Variants in PPP1R1C observed in about 807,000 individuals in gnomAD.
PPP1R1C encodes the protein protein phosphatase 1 regulatory inhibitor subunit 1C, also known as protein phosphatase 1 regulatory subunit 1C.
In PPP1R1C, 15 loss-of-function variants were observed where a neutral mutation model predicts 17.4. The ratio of observed to expected loss-of-function variants is 0.86; its 90% CI spans 0.58 to 1.33. The LOEUF (loss-of-function observed/expected upper bound fraction) is 1.33, where lower values mean the gene tolerates loss of function less well. Among genes scored for constraint, PPP1R1C ranks in the 40% most tolerant of loss-of-function variants. The pLI is 0.00. For synonymous variants in PPP1R1C, 35 were observed against 43.1 expected, an observed-to-expected ratio of 0.81 and a Z score of 0.73; for missense variants, 143 against 130.0, an observed-to-expected ratio of 1.10 and a Z score of -0.48.
intron 2 of PPP1R1C, among the ~76,000 whole-genome samples, chr2:182,035,250 G>T (rs768433876): frequency 1.4e-4 from 21 of 152,220 alleles, no homozygotes; most frequent in African/African-American, 5.1e-4. Context: ...TGGCAAAAAT[G>T]GTTGTTATTA....
intron 4 of PPP1R1C, among the ~76,000 whole-genome samples, chr2:182,085,789 C>G (rs1434346064): frequency 2.6e-5 from 4 of 152,058 alleles, no homozygotes; most frequent in African/African-American, 9.7e-5. Flanking sequence ...ACGGGGGAAA[C>G]TTGTAAAATG....
chr2:182,043,685 C>G (rs574243910), intron 2 of PPP1R1C, among the ~76,000 whole-genome samples: 1 of 150,844 alleles, frequency 6.6e-6, no homozygotes, highest in Non-Finnish European at 1.5e-5. Context: ...GGTTTCCCCT[C>G]GAATCCTTGG....
upstream of PPP1R1C, among the ~76,000 whole-genome samples, chr2:181,981,886 C>T (rs1685199356): frequency 1.3e-5 from 2 of 152,166 alleles, no homozygotes; most frequent in African/African-American, 4.8e-5. Flanking sequence ...GGACTCATAT[C>T]TAGATGATAT....
chr2:182,061,420 A>C, intron 2 of PPP1R1C, 22 bp from the exon 3 acceptor site: 1 of 1,427,534 alleles, frequency 7.0e-7, no homozygotes, highest in Non-Finnish European at 9.4e-7. Flanking sequence ...TGCCTAATAC[A>C]TTCTACCTAC....
Position 181,985,886 on chromosome 2 carries a change from A to G in PPP1R1C, c.-225A>G. 1.7e-6 allele frequency: 1 copy of G among 592,308 alleles called. No homozygotes were observed. The highest frequency in any genetic ancestry group is 3.0e-6 in the Non-Finnish European group (1 of 332,334). 36.7% of individuals were successfully genotyped at this position (592,308 alleles called of 1,614,324 possible). On this transcript the variant is annotated 5_prime_UTR_variant, in exon 1 of 5. Coordinates refer to ENST00000682840, the MANE Select transcript of PPP1R1C (RefSeq NM_001080545.3). The surrounding 1 kb of genome is among the most constrained non-coding windows in gnomAD (Gnocchi z 4.1). Reference sequence around the variant, plus strand: ...TTTCTGTATTGTGCTGAGAGGATCCAAGGGATTGGTGGGGGAACAGGCAAG... The same window carrying G: ...TTTCTGTATTGTGCTGAGAGGATCCGAGGGATTGGTGGGGGAACAGGCAAG...
chr2:182,009,091 T>C (rs957038423), intron 2 of PPP1R1C, among the ~76,000 whole-genome samples: 1 of 152,196 alleles, frequency 6.6e-6, no homozygotes, highest in East Asian at 1.9e-4. Flanking sequence ...ACAATAAACA[T>C]GAGAGTACAG....
intron 2 of PPP1R1C, among the ~76,000 whole-genome samples, chr2:182,058,549 C>G (rs953166700): frequency 3.3e-5 from 5 of 152,084 alleles, no homozygotes; most frequent in Non-Finnish European, 7.4e-5. Context: ...GGAAATTGTG[C>G]TCTCATTTTT....
intron 4 of PPP1R1C, among the ~76,000 whole-genome samples, chr2:182,079,911 G>A (rs902911007): frequency 1.3e-5 from 2 of 152,104 alleles, no homozygotes; most frequent in African/African-American, 4.8e-5. Flanking sequence ...TCCTCTTCTT[G>A]TAAGTACATC....
chr2:182,070,905 C>T (rs1688120403), intron 4 of PPP1R1C, among the ~76,000 whole-genome samples: 1 of 152,050 alleles, frequency 6.6e-6, no homozygotes, highest in Admixed American at 6.6e-5. Context: ...GGAGGGGGTG[C>T]TACACACTGT....
chr2:182,046,411 C>T (rs2125184052), intron 2 of PPP1R1C, among the ~76,000 whole-genome samples: 1 of 152,066 alleles, frequency 6.6e-6, no homozygotes, highest in South Asian at 2.1e-4. Flanking sequence ...GAATGATAAT[C>T]CCCAAATTAG....
chr2:182,109,711 GT>G (rs1056953622), intron 4 of PPP1R1C, among the ~76,000 whole-genome samples: 56 of 152,182 alleles, frequency 3.7e-4, no homozygotes, highest in African/African-American at 1.3e-3. Flanking sequence ...CTCTTTGTCT[GT>G]TTTTTCACCA....
At chr2:182,113,051 A>G (rs1460447053) in intron 4 of PPP1R1C, among the ~76,000 whole-genome samples, 1 of 152,178 alleles carries the variant, frequency 6.6e-6, no homozygotes, top group Non-Finnish European at 1.5e-5. Context: ...ATAGCATCCT[A>G]GGATCTGCAA....
At chr2:181,979,966 A>C (rs752665761) in intron 2 of PPP1R1C, among the ~76,000 whole-genome samples, 2 of 152,206 alleles carry the variant, frequency 1.3e-5, no homozygotes, top group Non-Finnish European at 2.9e-5. Context: ...TCACAGTCAG[A>C]CATCACCCTC....
In PPP1R1C at chr2:182,031,489, A is replaced by G. The variant is rs994637215; in HGVS notation, c.143-29953A>G. 6.6e-5 allele frequency among the ~76,000 whole-genome samples: 10 copies of G among 152,366 alleles called. No homozygotes were observed. In the South Asian group the frequency reaches 8.3e-4, roughly 13 times the overall value. On this transcript the variant is annotated intron_variant, in intron 2 of 4. Coordinates refer to ENST00000682840, the MANE Select transcript of PPP1R1C (RefSeq NM_001080545.3). Reference sequence around the variant, plus strand: ...TTTAAATCATTTACTTAACTTAGTTATAGCCTGGAGAATTTGTATTTATGA... The same window carrying G: ...TTTAAATCATTTACTTAACTTAGTTGTAGCCTGGAGAATTTGTATTTATGA...
chr2:182,126,307 G>A lies in PPP1R1C; in HGVS notation c.*7-2667G>A, dbSNP rs544677024. Among the ~76,000 whole-genome samples, 131 of 152,046 alleles carry A rather than the reference G, an allele frequency of 8.6e-4. 2 individuals carry two copies. The South Asian group carries it at 0.013, about 15-fold the overall frequency. ...AATTTTTAATATTTGCTTTCTCTGA[G>A]TAAGCAGAATGTAGAAGAAATGCCT... On this transcript the variant is annotated intron_variant, in intron 5 of 5. Transcript: ENST00000280295.
chr2:182,104,295 A>G (rs888293238), intron 4 of PPP1R1C, among the ~76,000 whole-genome samples: 2 of 152,222 alleles, frequency 1.3e-5, no homozygotes, highest in Non-Finnish European at 2.9e-5. Context: ...TCTTCCATTG[A>G]GTATGATGTT....
At chr2:182,027,158 A>C (rs1467393134) in intron 2 of PPP1R1C, among the ~76,000 whole-genome samples, 1 of 139,840 alleles carries the variant, frequency 7.2e-6, no homozygotes, top group African/African-American at 2.8e-5. Flanking sequence ...GTCTGCAAAC[A>C]GGGACAATTT....
At chr2:182,021,960 C>T (rs543868590) in intron 2 of PPP1R1C, among the ~76,000 whole-genome samples, 122 of 152,266 alleles carry the variant, frequency 8.0e-4, no homozygotes, top group African/African-American at 1.8e-3. Context: ...CCAGTAGAAA[C>T]GCTCTAAGCC....
chr2:182,129,801 C>T (rs1227015947), exon 6 of PPP1R1C: 1 of 152,042 alleles, frequency 6.6e-6, no homozygotes, highest in South Asian at 2.1e-4. Context: ...GACTTTTATT[C>T]TTTCTTATAC....
Sources: allele counts gnomAD v4.1 joint callset (sites outside exome capture counted in the v4.1 genomes callset), GRCh38; gene constraint gnomAD v4.1.1; non-coding constraint Gnocchi (gnomAD v3.1); transcripts MANE v1.5; gene names NCBI Gene and HGNC (gene_info 2026-07-23, HGNC 2026-07-21).